Variants in MYO5B observed in about 807,000 individuals in gnomAD.
The protein encoded by MYO5B is myosin VB.
A neutral mutation model predicts 229.3 loss-of-function variants in MYO5B; 143 were observed. The observed-to-expected ratio is 0.62, with a 90% CI of 0.54 to 0.72. MYO5B has a LOEUF of 0.72. MYO5B is among the 30% of genes least tolerant of loss of function. The pLI is 0.00. For missense variants in MYO5B, 2,321 were observed against 2,331.0 expected (o/e 1.00, Z 0.09); for synonymous variants, 918 against 885.2 (o/e 1.04, Z -0.66).
chr18:50,116,977 C>T (rs923336980), intron 1 of MYO5B, among the ~76,000 whole-genome samples: 6 of 152,144 alleles, frequency 3.9e-5, no homozygotes, highest in Admixed American at 3.9e-4. Flanking sequence ...GACAATGACA[C>T]ACTGTCACAG....
At chr18:50,105,248 T>TAAATAAAA (rs1248634941) in intron 1 of MYO5B, among the ~76,000 whole-genome samples, 22 of 131,598 alleles carry the variant, frequency 1.7e-4, no homozygotes, top group African/African-American at 4.0e-4. Flanking sequence ...AATAAATAAA[T>TAAATAAAA]AAAAAATAGA....
chr18:50,037,023 G>A (rs551777141), intron 3 of MYO5B, 29 bp from the exon 4 acceptor site: 88 of 1,613,664 alleles, frequency 5.5e-5, no homozygotes, highest in South Asian at 4.8e-4. Context: ...GTCAGATTCC[G>A]ACAGCACAGA....
intron 3 of MYO5B, among the ~76,000 whole-genome samples, chr18:50,037,204 T>C (rs2026458482): frequency 2.7e-5 from 4 of 149,318 alleles, no homozygotes; most frequent in South Asian, 2.1e-4. Flanking sequence ...CATACACACA[T>C]ACACACACAC....
At chr18:49,827,411 T>G (rs973030644) in intron 39 of MYO5B, among the ~76,000 whole-genome samples, 57 of 152,234 alleles carry the variant, frequency 3.7e-4, no homozygotes, top group Non-Finnish European at 7.3e-4. Context: ...TGTCTTGGTT[T>G]AGACATTCCT....
intron 24 of MYO5B, 32 bp from the exon 25 acceptor site, chr18:49,877,914 A>G: frequency 6.2e-7 from 1 of 1,613,876 alleles, no homozygotes; most frequent in Non-Finnish European, 8.5e-7. Context: ...ATAGCTCATT[A>G]GGAACTAATG....
intron 17 of MYO5B, among the ~76,000 whole-genome samples, chr18:49,914,509 G>C (rs1232049575): frequency 6.6e-6 from 1 of 152,020 alleles, no homozygotes; most frequent in Non-Finnish European, 1.5e-5. Context: ...GCCAGGTGTG[G>C]TGGCTCACAC....
intron 38 of MYO5B, 128 bp downstream of exon 38, chr18:49,836,583 T>G (rs2023989142): frequency 9.3e-7 from 1 of 1,077,964 alleles, no homozygotes; most frequent in Non-Finnish European, 1.4e-6. Context: ...ACTTCAAAAT[T>G]GTCTCATTAG....
intron 14 of MYO5B, among the ~76,000 whole-genome samples, chr18:49,942,123 T>C (rs1320322103): frequency 2.0e-5 from 3 of 149,418 alleles, no homozygotes; most frequent in Non-Finnish European, 4.4e-5. Context: ...CTGGGAAAAC[T>C]GGCTAGCCAT....
intron 26 of MYO5B, among the ~76,000 whole-genome samples, chr18:49,874,338 C>T (rs2024491879): frequency 6.6e-6 from 1 of 152,226 alleles, no homozygotes; most frequent in Non-Finnish European, 1.5e-5. Context: ...TCTTTAGGTA[C>T]AGCTGGATAG....
intron 14 of MYO5B, among the ~76,000 whole-genome samples, chr18:49,947,635 G>A (rs1185228926): frequency 6.6e-6 from 1 of 152,126 alleles, no homozygotes; most frequent in Non-Finnish European, 1.5e-5. Context: ...TGAGCAGTAA[G>A]AGAGCTGCCA....
chr18:50,070,351 C>A (rs927764421), intron 1 of MYO5B, among the ~76,000 whole-genome samples: 4 of 152,094 alleles, frequency 2.6e-5, no homozygotes, highest in African/African-American at 9.7e-5. Flanking sequence ...GGTCTTCCTG[C>A]AACCAATTTG....
intron 1 of MYO5B, among the ~76,000 whole-genome samples, chr18:50,079,507 A>G (rs1174479909): frequency 2.0e-5 from 3 of 152,176 alleles, no homozygotes; most frequent in Non-Finnish European, 2.9e-5. Flanking sequence ...AAAACTCCTC[A>G]AATTCTCCCC....
intron 33 of MYO5B, among the ~76,000 whole-genome samples, chr18:49,845,760 G>C (rs1026151669): frequency 3.3e-5 from 5 of 152,190 alleles, no homozygotes; most frequent in African/African-American, 1.2e-4. Flanking sequence ...GCTGGACTGG[G>C]TTGGTACAGA....
intron 1 of MYO5B, among the ~76,000 whole-genome samples, chr18:50,183,392 G>C (rs2033103757): frequency 6.9e-6 from 1 of 145,466 alleles, no homozygotes; most frequent in South Asian, 2.2e-4. Flanking sequence ...GTATTATTCT[G>C]TATGTATTCC....
At chr18:50,186,706 A>T (rs1209511501) in intron 1 of MYO5B, among the ~76,000 whole-genome samples, 1 of 152,228 alleles carries the variant, frequency 6.6e-6, no homozygotes, top group East Asian at 1.9e-4. Context: ...ACTATGTTAG[A>T]CAAGCACTTC....
At chr18:50,045,023 T>G (rs942126476) in intron 2 of MYO5B, among the ~76,000 whole-genome samples, 3 of 152,168 alleles carry the variant, frequency 2.0e-5, no homozygotes, top group African/African-American at 7.2e-5. Flanking sequence ...AAAAGTCCAT[T>G]GTGCATTTGT....
intron 18 of MYO5B, 140 bp from the exon 19 acceptor site, chr18:49,906,770 A>T (rs1419884393): frequency 1.3e-6 from 1 of 770,430 alleles, no homozygotes; most frequent in Non-Finnish European, 2.2e-6. Flanking sequence ...ACAAAGTCTC[A>T]GCATTTGCTT....
intron 5 of MYO5B, among the ~76,000 whole-genome samples, chr18:50,000,089 C>T (rs2026029614): frequency 6.6e-6 from 1 of 152,158 alleles, no homozygotes; most frequent in Non-Finnish European, 1.5e-5. Flanking sequence ...GAGATTTTGC[C>T]TGGATAATCA....
At chr18:50,156,338 A>T (rs1362627325) in intron 1 of MYO5B, among the ~76,000 whole-genome samples, 2 of 152,158 alleles carry the variant, frequency 1.3e-5, no homozygotes, top group African/African-American at 4.8e-5. Flanking sequence ...AGTTCCCATA[A>T]TCCCCCCGTG....
Sources: gnomAD v4.1 joint callset for allele counts (sites outside exome capture counted in the v4.1 genomes callset) on GRCh38, gnomAD v4.1.1 for gene constraint, MANE v1.5 for transcripts, NCBI Gene and HGNC (gene_info 2026-07-23, HGNC 2026-07-21) for gene names.